Variants in HECW2 observed in about 807,000 individuals in gnomAD.
HECW2 encodes the protein HECT, C2 and WW domain containing E3 ubiquitin protein ligase 2.
In HECW2, 61 loss-of-function variants were observed where a neutral mutation model predicts 175.2. The ratio of observed to expected loss-of-function variants is 0.35; its 90% CI spans 0.28 to 0.43. HECW2 has a LOEUF of 0.43. Among genes scored for constraint, HECW2 ranks in the 20% least tolerant of loss-of-function variants. HECW2 has a pLI of 1.00. For synonymous variants in HECW2, 671 were observed against 731.0 expected (o/e 0.92, Z 1.32); for missense variants, 1,524 against 2,000.5 (o/e 0.76, Z 4.54).
intron 21 of HECW2, among the ~76,000 whole-genome samples, chr2:196,232,406 A>C (rs1278341491): frequency 1.3e-5 from 2 of 152,122 alleles, no homozygotes; most frequent in African/African-American, 4.8e-5. Flanking sequence ...ACCATGTTTT[A>C]CTCATTTTTA....
intron 1 of HECW2, among the ~76,000 whole-genome samples, chr2:196,458,683 T>C (rs575371566): frequency 1.4e-4 from 22 of 151,798 alleles, no homozygotes; most frequent in South Asian, 8.3e-4. Flanking sequence ...ATGGCCAACA[T>C]GGTGAAACCC....
intron 1 of HECW2, among the ~76,000 whole-genome samples, chr2:196,533,467 TTG>T (rs147521294): frequency 0.013 from 1,935 of 152,234 alleles, 44 homozygotes; most frequent in African/African-American, 0.044. Flanking sequence ...TCATCTTTTT[TTG>T]TGTGTGTGGG....
chr2:196,441,495 A>C (rs1021241436), intron 1 of HECW2, among the ~76,000 whole-genome samples: 1 of 152,188 alleles, frequency 6.6e-6, no homozygotes, highest in African/African-American at 2.4e-5. Context: ...CTACATTTAT[A>C]GTCAAGATAT....
Position 196,499,514 on chromosome 2 carries a change from G to A in HECW2, c.-35-66056C>T, listed in dbSNP as rs574327777. On this transcript the variant is annotated intron_variant, in intron 1 of 28. Transcript: ENST00000644978. ...GTTTCAAAGCAGGGGACCCTGTAAA[G>A]ACTTCAGAAGAGCTTATTAGGAAAT... is the stretch of plus-strand genomic sequence containing the variant. 5.9e-5 allele frequency among the ~76,000 whole-genome samples: 9 copies of A among 152,104 alleles called. No individual in the cohort carries two copies. In the South Asian group the frequency reaches 8.3e-4, roughly 14 times the overall value.
chr2:196,456,678 GTCT>G, intron 1 of HECW2, among the ~76,000 whole-genome samples: 2 of 152,254 alleles, frequency 1.3e-5, no homozygotes, highest in South Asian at 4.2e-4. Flanking sequence ...GGTCCAGATG[GTCT>G]TCTTTTTTAC....
intron 2 of HECW2, among the ~76,000 whole-genome samples, chr2:196,407,865 T>C (rs1695005750): frequency 6.6e-6 from 1 of 152,254 alleles, no homozygotes; most frequent in Admixed American, 6.5e-5. Context: ...GCGTGGTACC[T>C]TGTAGGTGTT....
intron 1 of HECW2, among the ~76,000 whole-genome samples, chr2:196,456,914 A>G (rs1696535008): frequency 1.3e-5 from 2 of 152,180 alleles, no homozygotes; most frequent in African/African-American, 4.8e-5. Context: ...ACACCAACAC[A>G]TCTAACACAT....
At position 196,564,129 on chromosome 2, in the gene HECW2, T is replaced by C. The variant is rs150070292; in HGVS notation, c.-36+29379A>G. Among the ~76,000 whole-genome samples, 5 of 152,262 alleles carry C rather than the reference T, an allele frequency of 3.3e-5. No individual in the cohort carries two copies. In the East Asian group the frequency reaches 9.6e-4, roughly 29 times the overall value. ...AGTAGTAGTGATATCACCTCAGCTG[T>C]CTTCTTGCCAAAAAAAGTGAATCTA... On this transcript the variant is annotated intron_variant, in intron 1 of 28. Transcript: ENST00000644978.
rs1441954361 is a variant in HECW2 at position 196,194,684 on chromosome 2, G to A, written c.*6593C>T. On this transcript the variant is annotated 3_prime_UTR_variant, in exon 29 of 29. Transcript: ENST00000644978. Reference sequence around the variant, plus strand: ...ACTTTGAAAAAAAAATTACATATAAGGTGAAGTGAGAGCTGTATAACCTTA... The same window carrying A: ...ACTTTGAAAAAAAAATTACATATAAAGTGAAGTGAGAGCTGTATAACCTTA... The A allele has an allele frequency of 6.6e-6, 1 of 151,654 alleles. No individual in the cohort carries two copies. The highest frequency in any genetic ancestry group is 2.4e-5 in the African/African-American group (1 of 41,246). 9.4% of individuals were successfully genotyped at this position (151,654 alleles called of 1,614,324 possible).
At chr2:196,461,757 C>CTCGTGAGAACCCACTCAACG (rs1307752225) in intron 1 of HECW2, among the ~76,000 whole-genome samples, 1 of 152,112 alleles carries the variant, frequency 6.6e-6, no homozygotes, top group Non-Finnish European at 1.5e-5. Flanking sequence ...ACCATCAGAT[C>CTCGTGAGAACCCACTCAACG]TCGTGAGAAC....
intron 28 of HECW2, among the ~76,000 whole-genome samples, chr2:196,214,980 A>T (rs1192130114): frequency 6.6e-6 from 1 of 152,220 alleles, no homozygotes; most frequent in Non-Finnish European, 1.5e-5. Flanking sequence ...ATCTTGGGGT[A>T]CCTAATATCA....
At chr2:196,576,588 T>C (rs1690571059) in intron 1 of HECW2, among the ~76,000 whole-genome samples, 1 of 152,144 alleles carries the variant, frequency 6.6e-6, no homozygotes, top group South Asian at 2.1e-4. Context: ...TCGTCAAACA[T>C]ACAAAGTTTC....
intron 13 of HECW2, among the ~76,000 whole-genome samples, chr2:196,293,076 G>T (rs1299542653): frequency 6.6e-6 from 1 of 152,146 alleles, no homozygotes; most frequent in Non-Finnish European, 1.5e-5. Flanking sequence ...ATGGTGGTTT[G>T]CTGTACCTAT....
chr2:196,375,766 T>G (rs1046550144), intron 2 of HECW2, among the ~76,000 whole-genome samples: 3 of 152,228 alleles, frequency 2.0e-5, no homozygotes, highest in African/African-American at 7.2e-5. Context: ...ATTTTTCTAA[T>G]GGAGATTGTC....
chr2:196,423,683 A>AG (rs1695464766), intron 2 of HECW2, among the ~76,000 whole-genome samples: 1 of 14,650 alleles, frequency 6.8e-5, no homozygotes, highest in Non-Finnish European at 1.7e-4. Flanking sequence ...ATAGTATTCC[A>AG]TTGTGTGTGT....
intron 1 of HECW2, among the ~76,000 whole-genome samples, chr2:196,455,033 CTTAAT>C (rs1183287081): frequency 1.3e-5 from 2 of 149,966 alleles, no homozygotes; most frequent in African/African-American, 5.0e-5. Context: ...GACCCTTTTA[CTTAAT>C]TTTTTTTTTT....
chr2:196,456,278 G>GT (rs535768328), intron 1 of HECW2, among the ~76,000 whole-genome samples: 3 of 152,036 alleles, frequency 2.0e-5, no homozygotes, highest in Non-Finnish European at 4.4e-5. Flanking sequence ...CTTGAGGGTT[G>GT]TAAGTCCAAA....
chr2:196,336,667 T>C (rs1224778474), intron 3 of HECW2, among the ~76,000 whole-genome samples: 1 of 152,226 alleles, frequency 6.6e-6, no homozygotes, highest in Non-Finnish European at 1.5e-5. Context: ...CTTATTTTTT[T>C]TGGAGGATGA....
At chr2:196,575,067 C>T in intron 1 of HECW2, among the ~76,000 whole-genome samples, 1 of 101,776 alleles carries the variant, frequency 9.8e-6, no homozygotes, top group South Asian at 3.2e-4. Context: ...GGTAACAGAG[C>T]AAGGCCTTGT....
Sources: allele counts gnomAD v4.1 joint callset (sites outside exome capture counted in the v4.1 genomes callset), GRCh38; gene constraint gnomAD v4.1.1; transcripts MANE v1.5; gene names NCBI Gene and HGNC (gene_info 2026-07-23, HGNC 2026-07-21).